PLA2G5: variants seen among roughly 807,000 people sequenced by gnomAD.
PLA2G5 encodes the protein phospholipase A2 group V.
PLA2G5 carries 12 observed loss-of-function variants against 15.9 expected under a neutral mutation model. That is an observed-to-expected ratio of 0.76 (90% CI 0.48 to 1.23). PLA2G5 has a LOEUF of 1.23. Among genes scored for constraint, PLA2G5 ranks in the 50% most tolerant of loss-of-function variants. The pLI, the probability that PLA2G5 is intolerant of heterozygous loss-of-function variation, is 0.00. For synonymous variants in PLA2G5, 71 were observed against 71.4 expected (o/e 0.99, Z 0.03); for missense variants, 169 against 177.1 (o/e 0.95, Z 0.26).
chr1:20,068,742 C>T (rs181544709), upstream of PLA2G5: 420 of 329,684 alleles, frequency 1.3e-3, 2 homozygotes, highest in African/African-American at 8.3e-3. Flanking sequence ...TGAGCCCCCA[C>T]GCCCGGCCAA....
At chr1:20,061,572 T>A (rs1265440698) in intron 2 of PLA2G5, among the ~76,000 whole-genome samples, 1 of 101,534 alleles carries the variant, frequency 9.8e-6, no homozygotes, top group African/African-American at 4.0e-5. Context: ...GGCAACAGAG[T>A]AAGACCCTGT....
chr1:20,084,783 C>A (rs367942760), intron 1 of PLA2G5, 38 bp from the exon 2 acceptor site: 69 of 1,454,104 alleles, frequency 4.7e-5, no homozygotes, highest in Middle Eastern at 1.8e-4. Flanking sequence ...GGGGGCATTG[C>A]CTGATAGATC....
chr1:20,046,560 A>G (rs573470543), intron 1 of PLA2G5, among the ~76,000 whole-genome samples: 1 of 152,304 alleles, frequency 6.6e-6, no homozygotes, highest in African/African-American at 2.4e-5. Flanking sequence ...CCCTTTAAAT[A>G]ATTCAGAACA....
chr1:20,089,645 G>T (rs1296704133), intron 3 of PLA2G5, 144 bp from the exon 4 acceptor site: 4 of 637,946 alleles, frequency 6.3e-6, no homozygotes, highest in Non-Finnish European at 1.1e-5. Context: ...AAATTACTCA[G>T]TCACACTACC....
At chr1:20,037,086 T>G (rs2013296745) in intron 1 of PLA2G5, among the ~76,000 whole-genome samples, 1 of 152,226 alleles carries the variant, frequency 6.6e-6, no homozygotes, top group African/African-American at 2.4e-5. Flanking sequence ...TTGGATTTAT[T>G]GGTGGTGAGC....
At chr1:20,048,542 G>T (rs1267209187) in intron 1 of PLA2G5, among the ~76,000 whole-genome samples, 1 of 152,158 alleles carries the variant, frequency 6.6e-6, no homozygotes, top group Admixed American at 6.5e-5. Context: ...GTGGCTTTAG[G>T]CAGTCTAGTC....
chr1:20,081,252 T>G (rs2016003227), intron 1 of PLA2G5, among the ~76,000 whole-genome samples: 1 of 151,756 alleles, frequency 6.6e-6, no homozygotes. Flanking sequence ...TGGCGCCCGC[T>G]TTGGGCTCTG....
At chr1:20,078,195 T>C (rs2015793341) in intron 1 of PLA2G5, among the ~76,000 whole-genome samples, 1 of 152,050 alleles carries the variant, frequency 6.6e-6, no homozygotes, top group Non-Finnish European at 1.5e-5. Context: ...ACCCCCAAGC[T>C]TGGGCTATGC....
chr1:20,066,659 GC>G (rs775292776), upstream of PLA2G5, among the ~76,000 whole-genome samples: 2 of 152,126 alleles, frequency 1.3e-5, no homozygotes, highest in Non-Finnish European at 2.9e-5. Context: ...TACCAGAGAA[GC>G]TTTTTGTTTT....
chr1:20,081,579 G>C (rs2016029121), intron 1 of PLA2G5, among the ~76,000 whole-genome samples: 1 of 151,762 alleles, frequency 6.6e-6, no homozygotes, highest in African/African-American at 2.4e-5. Context: ...GGACCGGTCA[G>C]TTTGAATCAT....
At chr1:20,049,448 C>A (rs1464797336) in intron 1 of PLA2G5, among the ~76,000 whole-genome samples, 2 of 151,160 alleles carry the variant, frequency 1.3e-5, no homozygotes, top group Non-Finnish European at 2.9e-5. Context: ...TTTTTTTTAA[C>A]CCTGATATGA....
intron 1 of PLA2G5, among the ~76,000 whole-genome samples, chr1:20,072,094 G>A (rs1434967507): frequency 1.3e-5 from 2 of 151,976 alleles, no homozygotes; most frequent in Non-Finnish European, 2.9e-5. Context: ...GGGCAACAGA[G>A]CAAGATGTCT....
At chr1:20,070,976 T>C (rs1260445668) in intron 1 of PLA2G5, 1 of 152,188 alleles carries the variant, frequency 6.6e-6, no homozygotes, top group African/African-American at 2.4e-5. Context: ...ATCTTTCTCC[T>C]CCCTTCCTCC....
chr1:20,090,519 T>G (rs763045923), intron 4 of PLA2G5, 49 bp from the exon 5 acceptor site: 1 of 1,609,760 alleles, frequency 6.2e-7, no homozygotes. Flanking sequence ...CTGCTGAGAC[T>G]GGAGCATGCT....
chr1:20,082,043 A>G (rs1370981425), intron 1 of PLA2G5, among the ~76,000 whole-genome samples: 1 of 134,814 alleles, frequency 7.4e-6, no homozygotes, highest in Non-Finnish European at 1.6e-5. Flanking sequence ...AGAGTGAGAC[A>G]AAAAAAAGAA....
intron 3 of PLA2G5, among the ~76,000 whole-genome samples, chr1:20,087,026 C>A (rs566094682): frequency 4.4e-4 from 67 of 152,272 alleles, no homozygotes; most frequent in African/African-American, 1.5e-3. Flanking sequence ...TAAGCCAGGG[C>A]AGGAAGCCAG....
intron 1 of PLA2G5, among the ~76,000 whole-genome samples, chr1:20,053,575 G>T (rs1048075640): frequency 2.1e-5 from 3 of 143,004 alleles, no homozygotes; most frequent in South Asian, 4.9e-4. Flanking sequence ...CTTTGCGGGG[G>T]GGGGGGTGAT....
chr1:20,072,828 C>T lies in PLA2G5; in HGVS notation c.-11+2363C>T, dbSNP rs1416665849. Among the ~76,000 whole-genome samples, 19 of 152,288 alleles carry T rather than the reference C, an allele frequency of 1.2e-4. No homozygotes were observed. In the South Asian group the frequency reaches 2.1e-3, roughly 17 times the overall value. On this transcript the variant is annotated intron_variant, in intron 1 of 4. Transcript: ENST00000375108. ...GAAAAAGTTTCAGTGTTATTCTAGA[C>T]GTGACGGACATTCTGAAGGCCTGTT...
chr1:20,070,174 C>T, upstream of PLA2G5: 1 of 985,012 alleles, frequency 1.0e-6, no homozygotes, highest in Non-Finnish European at 1.2e-6. Flanking sequence ...TTGTGCAGGA[C>T]TTCCTGCCTC....
Sources: allele counts gnomAD v4.1 joint callset (sites outside exome capture counted in the v4.1 genomes callset), GRCh38; gene constraint gnomAD v4.1.1; transcripts MANE v1.5; gene names NCBI Gene and HGNC (gene_info 2026-07-23, HGNC 2026-07-21).